Variants in USP49 observed in about 807,000 individuals in gnomAD.
USP49 encodes ubiquitin carboxyl-terminal hydrolase 49.
A neutral mutation model predicts 58.6 loss-of-function variants in USP49; 24 were observed. The observed-to-expected ratio is 0.41, with a 90% CI of 0.30 to 0.58. The LOEUF is 0.58. Ranked by LOEUF, USP49 falls within the 20% of genes least tolerant of loss-of-function variation. The probability of loss-of-function intolerance (pLI) is 0.30; values close to 1 mark genes in which losing one functional copy is unlikely to be tolerated. For synonymous variants in USP49, 408 were observed against 365.1 expected (o/e 1.12, Z -1.34); for missense variants, 703 against 866.1 (o/e 0.81, Z 2.36).
intron 3 of USP49, among the ~76,000 whole-genome samples, chr6:41,859,831 G>C (rs1428985795): frequency 6.6e-6 from 1 of 152,108 alleles, no homozygotes; most frequent in Non-Finnish European, 1.5e-5. Context: ...AAAGGGTGCA[G>C]GAAGACCCAT....
chr6:41,822,729 C>T (rs1380089273), intron 3 of USP49, among the ~76,000 whole-genome samples: 2 of 151,944 alleles, frequency 1.3e-5, no homozygotes, highest in Admixed American at 1.3e-4. Flanking sequence ...CCTGTCGTCT[C>T]AGCTACTCAG....
chr6:41,797,805 T>G, intron 7 of USP49: 1 of 985,796 alleles, frequency 1.0e-6, no homozygotes, highest in Non-Finnish European at 1.2e-6. Flanking sequence ...AACCAATACT[T>G]TTGATAATAC....
intron 3 of USP49, among the ~76,000 whole-genome samples, chr6:41,824,356 AT>A (rs1227749702): frequency 2.6e-5 from 4 of 152,070 alleles, no homozygotes; most frequent in African/African-American, 9.7e-5. Flanking sequence ...ATCTTGAAAA[AT>A]TGTTTAATAG....
intron 2 of USP49, among the ~76,000 whole-genome samples, chr6:41,885,808 G>A (rs957066379): frequency 3.3e-5 from 5 of 151,896 alleles, no homozygotes; most frequent in African/African-American, 1.2e-4. Context: ...GAAAAAAAAA[G>A]AGAGAGTCTC....
rs577288238 is a variant in USP49, at chr6:41,800,144, A to G, written c.1562-206T>C. On this transcript the variant is annotated intron_variant, in intron 5 of 7. Transcript: ENST00000682992. ...TGGTGTGGCCATGGAAGTTCTGGCT[A>G]AGATGAAAGGAATGACTGTGTGGGA... is the stretch of plus-strand genomic sequence containing the variant. 5.3e-5 allele frequency among the ~76,000 whole-genome samples: 8 copies of G among 152,286 alleles called. 1 individual carries two copies. The highest frequency in any genetic ancestry group is 1.9e-4 in the African/African-American group (8 of 41,550).
intron 3 of USP49, among the ~76,000 whole-genome samples, chr6:41,821,025 A>G (rs1162641904): frequency 1.3e-5 from 2 of 152,176 alleles, no homozygotes; most frequent in African/African-American, 2.4e-5. Context: ...AAGTAAATAA[A>G]TAAATAAAAT....
chr6:41,801,308 G>C (rs1221831808), intron 5 of USP49, among the ~76,000 whole-genome samples: 1 of 152,210 alleles, frequency 6.6e-6, no homozygotes, highest in Admixed American at 6.5e-5. Context: ...TTGAAGAGCA[G>C]CTGGGCATCT....
chr6:41,877,314 C>T (rs1198154134), intron 2 of USP49, among the ~76,000 whole-genome samples: 2 of 152,132 alleles, frequency 1.3e-5, no homozygotes, highest in Non-Finnish European at 2.9e-5. Context: ...GGTAAAAATG[C>T]TGTTCATTTG....
chr6:41,835,120 G>C (rs1773702432), intron 3 of USP49, among the ~76,000 whole-genome samples: 1 of 152,188 alleles, frequency 6.6e-6, no homozygotes, highest in Non-Finnish European at 1.5e-5. Flanking sequence ...TTAGGTTAGA[G>C]AACACAGCTT....
intron 3 of USP49, among the ~76,000 whole-genome samples, chr6:41,811,822 T>C (rs867113407): frequency 3.3e-5 from 5 of 152,166 alleles, no homozygotes; most frequent in Admixed American, 2.0e-4. Flanking sequence ...AGGGTACAAA[T>C]TGGGTACACA....
chr6:41,883,223 A>G (rs544333567), intron 2 of USP49, among the ~76,000 whole-genome samples: 1 of 151,756 alleles, frequency 6.6e-6, no homozygotes, highest in Non-Finnish European at 1.5e-5. Context: ...GTGTGGTGGC[A>G]CACACCTGTA....
At chr6:41,851,430 A>C (rs1439429878) in intron 3 of USP49, among the ~76,000 whole-genome samples, 1 of 152,228 alleles carries the variant, frequency 6.6e-6, no homozygotes, top group Non-Finnish European at 1.5e-5. Context: ...AGATTCAACA[A>C]AACACCCTTT....
intron 3 of USP49, among the ~76,000 whole-genome samples, chr6:41,845,098 A>T (rs1298811536): frequency 6.6e-6 from 1 of 152,012 alleles, no homozygotes; most frequent in Non-Finnish European, 1.5e-5. Context: ...ACGCTGTTTC[A>T]CCATGTTGGT....
intron 2 of USP49, among the ~76,000 whole-genome samples, chr6:41,872,713 A>G (rs1774433282): frequency 6.7e-6 from 1 of 150,052 alleles, no homozygotes; most frequent in African/African-American, 2.5e-5. Flanking sequence ...CCAGGCTAAC[A>G]TGGTGAAACC....
intron 3 of USP49, among the ~76,000 whole-genome samples, chr6:41,851,746 A>G (rs1300816217): frequency 2.0e-5 from 3 of 151,698 alleles, no homozygotes; most frequent in African/African-American, 7.3e-5. Context: ...CGAGATCAGG[A>G]GTTCAAGACC....
intron 3 of USP49, among the ~76,000 whole-genome samples, chr6:41,862,559 G>T (rs535313713): frequency 6.6e-6 from 1 of 152,158 alleles, no homozygotes; most frequent in South Asian, 2.1e-4. Flanking sequence ...GGAAAAGATG[G>T]TCCTCAAACT....
At chr6:41,830,300 G>A (rs1773612036) in intron 3 of USP49, among the ~76,000 whole-genome samples, 1 of 152,014 alleles carries the variant, frequency 6.6e-6, no homozygotes, top group Admixed American at 6.6e-5. Context: ...TCTCATCTAG[G>A]CATTTTGTAG....
In USP49 at chr6:41,790,181, G is replaced by T. The variant is rs991918365; in HGVS notation, c.*6352C>A. On this transcript the variant is annotated 3_prime_UTR_variant, in exon 8 of 8. Coordinates refer to ENST00000682992, the MANE Select transcript of USP49 (RefSeq NM_001286554.2). The stretch of plus-strand genomic sequence containing the variant: ...CCATTTGGTGTTGCATAGCATTTTA[G>T]TGCACCAGATGGGTTTTCCAGACAC... 1 of 152,178 alleles carries T rather than the reference G, an allele frequency of 6.6e-6. No homozygotes were observed. Among genetic ancestry groups the T allele is most frequent in the Non-Finnish European group, 1.5e-5 (1 of 68,040 alleles). The allele number at this position is 152,178 out of a possible 1,614,324, so 9.4% of individuals were successfully genotyped here.
At chr6:41,826,029 C>T (rs772662745) in intron 3 of USP49, among the ~76,000 whole-genome samples, 6 of 152,130 alleles carry the variant, frequency 3.9e-5, no homozygotes, top group Non-Finnish European at 7.3e-5. Context: ...TTTGGGAGAC[C>T]GAGGCAGGTG....
Sources: allele counts gnomAD v4.1 joint callset (sites outside exome capture counted in the v4.1 genomes callset), GRCh38; gene constraint gnomAD v4.1.1; transcripts MANE v1.5; gene names NCBI Gene and HGNC (gene_info 2026-07-23, HGNC 2026-07-21).